The following FLT1 variants were observed in gnomAD, a reference collection of about 807,000 sequenced individuals.
The protein encoded by FLT1 is fms related receptor tyrosine kinase 1, also known as vascular endothelial growth factor receptor 1.
Under a neutral mutation model 156.3 loss-of-function variants are expected in FLT1, and 49 were observed. That is an observed-to-expected ratio of 0.31 (90% confidence interval 0.25 to 0.40). The LOEUF is 0.40. Ranked by LOEUF, FLT1 falls within the 10% of genes least tolerant of loss-of-function variation. The pLI is 1.00. For missense variants in FLT1, 1,322 were observed against 1,637.2 expected, an observed-to-expected ratio of 0.81 and a Z score of 3.32; for synonymous variants, 594 against 583.8, an observed-to-expected ratio of 1.02 and a Z score of -0.25.
chr13:28,325,241 C>T (rs979349240), intron 20 of FLT1, among the ~76,000 whole-genome samples: 1 of 152,162 alleles, frequency 6.6e-6, no homozygotes. Flanking sequence ...TGGCTTAGCT[C>T]TTCCTGAAGC....
intron 10 of FLT1, among the ~76,000 whole-genome samples, chr13:28,415,336 C>G (rs565043719): frequency 1.3e-5 from 2 of 152,190 alleles, no homozygotes; most frequent in African/African-American, 4.8e-5. Flanking sequence ...AAAAAATTAG[C>G]CAGGCGTGGT....
At chr13:28,455,843 A>G (rs1879231447) in intron 3 of FLT1, among the ~76,000 whole-genome samples, 1 of 152,262 alleles carries the variant, frequency 6.6e-6, no homozygotes, top group Non-Finnish European at 1.5e-5. Flanking sequence ...AAGAAGACCT[A>G]CAGATGGCAA....
At chr13:28,323,032 T>C in intron 20 of FLT1, 86 bp from the exon 21 acceptor site, 1 of 1,379,596 alleles carries the variant, frequency 7.2e-7, no homozygotes, top group Non-Finnish European at 1.0e-6. Context: ...AATCGCCTGA[T>C]GAGAAATGAG....
chr13:28,406,632 T>C (rs1875816367), intron 10 of FLT1, among the ~76,000 whole-genome samples: 1 of 15,350 alleles, frequency 6.5e-5, no homozygotes, highest in Admixed American at 1.3e-3. Flanking sequence ...GGAATTTTAT[T>C]ATTATTATTA....
At chr13:28,469,199 C>T (rs1341420769) in intron 1 of FLT1, among the ~76,000 whole-genome samples, 2 of 152,134 alleles carry the variant, frequency 1.3e-5, no homozygotes, top group African/African-American at 2.4e-5. Flanking sequence ...GGGAGGAAAA[C>T]TTAGTATTTG....
At chr13:28,475,588 C>T (rs912080133) in intron 1 of FLT1, among the ~76,000 whole-genome samples, 7 of 152,138 alleles carry the variant, frequency 4.6e-5, no homozygotes, top group Admixed American at 4.6e-4. Context: ...CTCATAGAAT[C>T]TTTGGGGTTG....
At chr13:28,346,385 GA>G (rs1053943131) in intron 15 of FLT1, 1 of 152,170 alleles carries the variant, frequency 6.6e-6, no homozygotes, top group African/African-American at 2.4e-5. Flanking sequence ...AATTTCCCAG[GA>G]ATTCTAAAGT....
At chr13:28,412,329 CTTTTCTT>C (rs1454157560) in intron 10 of FLT1, among the ~76,000 whole-genome samples, 7 of 88,960 alleles carry the variant, frequency 7.9e-5, no homozygotes, top group African/African-American at 2.1e-4. Context: ...TTCTTTCTTT[CTTTTCTT>C]TCTTTCTTTC....
Position 28,431,432 on chromosome 13 carries a change from T to C in FLT1, c.814-122A>G, listed in dbSNP as rs1477339056. The stretch of plus-strand genomic sequence containing the variant: ...AGCTTCTGTTTTATACTAAGAATCA[T>C]GTCAAATCCACCTAGAGCGTAATGT... On this transcript the variant is annotated intron_variant, in intron 6 of 29. Coordinates refer to ENST00000282397, the MANE Select transcript of FLT1 (RefSeq NM_002019.4). The C allele has an allele frequency of 2.7e-5, 20 of 738,128 alleles. No homozygotes were observed. The East Asian group carries it at 4.8e-4, about 18-fold the overall frequency. 45.7% of individuals were successfully genotyped at this position (738,128 alleles called of 1,614,324 possible). A position where few individuals can be genotyped will look rare whatever the true frequency, so the allele number is the denominator to read the frequency against.
chr13:28,427,067 A>G lies in FLT1; in HGVS notation c.1436+92T>C, dbSNP rs112021227. The G allele has an allele frequency of 3.8e-3, 4,406 of 1,162,238 alleles. 110 individuals carry two copies. In the African/African-American group the frequency reaches 0.06, roughly 16 times the overall value. The allele number at this position is 1,162,238 out of a possible 1,614,324, so 72.0% of individuals were successfully genotyped here. On this transcript the variant is annotated intron_variant, in intron 10 of 29. Transcript: ENST00000282397. ...TTGCCTCAAATATACAGTACATCCC[A>G]CATGCAGATTCCCATCTGCGTCCAT...
At position 28,319,380 on chromosome 13, in the gene FLT1, T is replaced by C. The variant is rs754691446; in HGVS notation, c.3286+43A>G. ...GGACATTCAGCAGAAGATGCAGACATTTATTTCTGGGCTGTTTGATTTCTT... is the reference window on the plus strand; with the variant it reads ...GGACATTCAGCAGAAGATGCAGACACTTATTTCTGGGCTGTTTGATTTCTT... On this transcript the variant is annotated intron_variant, in intron 24 of 29. Coordinates refer to ENST00000282397, the MANE Select transcript of FLT1 (RefSeq NM_002019.4). The C allele has an allele frequency of 5.3e-5, 67 of 1,273,928 alleles. 1 individual carries two copies. The highest frequency in any genetic ancestry group is 4.7e-4 in the Admixed American group (27 of 57,064). 78.9% of individuals were successfully genotyped at this position (1,273,928 alleles called of 1,614,324 possible).
chr13:28,470,680 C>CTATT (rs1235487981), intron 1 of FLT1, among the ~76,000 whole-genome samples: 3 of 152,154 alleles, frequency 2.0e-5, no homozygotes, highest in South Asian at 4.2e-4. Context: ...GAGAGAAGTG[C>CTATT]TATTTATTTA....
Position 28,418,842 on chromosome 13 carries a change from G to T in FLT1, c.1436+8317C>A, listed in dbSNP as rs77864931. Reference sequence around the variant, plus strand: ...TCTCACCTCAGCCTCCCAAGTGCTGGGATTATAGTCATGAGCCACTGTACC... The same window carrying T: ...TCTCACCTCAGCCTCCCAAGTGCTGTGATTATAGTCATGAGCCACTGTACC... On this transcript the variant is annotated intron_variant, in intron 10 of 29. Coordinates refer to ENST00000282397, the MANE Select transcript of FLT1 (RefSeq NM_002019.4). Among the ~76,000 whole-genome samples the T allele has an allele frequency of 4.7e-4, 72 of 152,014 alleles. 1 individual carries two copies. In the East Asian group the frequency reaches 0.014, roughly 29 times the overall value.
chr13:28,319,854 GCTTGGAAAAGGA>G (rs1262279670), intron 23 of FLT1, among the ~76,000 whole-genome samples: 1 of 152,162 alleles, frequency 6.6e-6, no homozygotes, highest in African/African-American at 2.4e-5. Flanking sequence ...CACACTCAGG[GCTTGGAAAAGGA>G]AAAGAGTGAT....
chr13:28,309,884 C>CTTTT lies in FLT1; in HGVS notation c.3636-961_3636-958dup, dbSNP rs60568918. On this transcript the variant is annotated intron_variant, in intron 27 of 29. Coordinates refer to ENST00000282397, the MANE Select transcript of FLT1 (RefSeq NM_002019.4). The stretch of plus-strand genomic sequence containing the variant: ...GTGGGTAGCAGTATTTTCTTTTTTC[C>CTTTT]TTTTTTTTTTTTTTTTTTTTTTGGA... Among the ~76,000 whole-genome samples the CTTTT allele has an allele frequency of 9.2e-4, 84 of 90,840 alleles. 1 individual carries two copies. Among genetic ancestry groups the CTTTT allele is most frequent in the Non-Finnish European group, 1.2e-3 (63 of 50,452 alleles). 59.6% of individuals were successfully genotyped at this position (90,840 alleles called of 152,430 possible).
chr13:28,464,740 G>T (rs1879760250), intron 3 of FLT1, among the ~76,000 whole-genome samples: 1 of 152,198 alleles, frequency 6.6e-6, no homozygotes, highest in Admixed American at 6.5e-5. Flanking sequence ...GATAGTAGGG[G>T]ACTGAGTGGA....
At chr13:28,329,249 T>G (rs1301851169) in intron 19 of FLT1, among the ~76,000 whole-genome samples, 1 of 152,286 alleles carries the variant, frequency 6.6e-6, no homozygotes, top group East Asian at 1.9e-4. Context: ...ACCCTACCAG[T>G]AGTGATTCAT....
At chr13:28,362,262 T>G (rs1873139343) in intron 14 of FLT1, among the ~76,000 whole-genome samples, 1 of 152,194 alleles carries the variant, frequency 6.6e-6, no homozygotes, top group Non-Finnish European at 1.5e-5. Flanking sequence ...GGCAAGTTCC[T>G]TACCTGTAAA....
Position 28,300,816 on chromosome 13 carries a change from AC to A in FLT1, c.*2350del, listed in dbSNP as rs1390457403. 4.3e-6 allele frequency: 1 copy of A among 233,064 alleles called. No homozygotes were observed. Among genetic ancestry groups the A allele is most frequent in the Non-Finnish European group, 8.5e-6 (1 of 118,028 alleles). 14.4% of individuals were successfully genotyped at this position (233,064 alleles called of 1,614,324 possible). ...AAGTGCTCGTTCTTTGTTAGTGCCAACCATTTTTGTCATAAATGGCAAATGA... is the reference window on the plus strand; with the variant it reads ...AAGTGCTCGTTCTTTGTTAGTGCCAACATTTTTGTCATAAATGGCAAATGA... On this transcript the variant is annotated 3_prime_UTR_variant, in exon 30 of 30. Transcript: ENST00000282397.
Sources: gnomAD v4.1 joint callset for allele counts (sites outside exome capture counted in the v4.1 genomes callset) on GRCh38, gnomAD v4.1.1 for gene constraint, MANE v1.5 for transcripts, NCBI Gene and HGNC (gene_info 2026-07-23, HGNC 2026-07-21) for gene names.